XKR6: variants seen among roughly 807,000 people sequenced by gnomAD.
The protein encoded by XKR6 is XK-related protein 6.
In XKR6, 22 loss-of-function variants were observed where a neutral mutation model predicts 56.7. The ratio of observed to expected loss-of-function variants is 0.39; its 90% CI spans 0.28 to 0.55. The LOEUF is 0.55. XKR6 is among the 20% of genes least tolerant of loss of function. XKR6 has a pLI of 0.66. For missense variants in XKR6, 852 were observed against 889.0 expected (o/e 0.96, Z 0.53); for synonymous variants, 524 against 387.8 (o/e 1.35, Z -4.13).
At chr8:11,175,541 C>T (rs1440141201) in intron 1 of XKR6, 4 of 152,160 alleles carry the variant, frequency 2.6e-5, no homozygotes, top group Admixed American at 2.6e-4. Flanking sequence ...TGAGAAGAAA[C>T]TGAAGAAATA....
chr8:10,982,775 T>A (rs944573405), intron 1 of XKR6, among the ~76,000 whole-genome samples: 1 of 152,118 alleles, frequency 6.6e-6, no homozygotes. Context: ...TGGTTGTAGG[T>A]GTTGAAGTGA....
chr8:10,981,222 G>A (rs1797727674), intron 1 of XKR6, among the ~76,000 whole-genome samples: 1 of 152,186 alleles, frequency 6.6e-6, no homozygotes, highest in Admixed American at 6.5e-5. Context: ...GGAAAAATGT[G>A]TGCTTGTCCC....
intron 2 of XKR6, among the ~76,000 whole-genome samples, chr8:10,910,060 G>A (rs1563282534): frequency 6.6e-6 from 1 of 151,972 alleles, no homozygotes; most frequent in Non-Finnish European, 1.5e-5. Flanking sequence ...TTCTTAACCA[G>A]GGTGATTTTG....
intron 1 of XKR6, among the ~76,000 whole-genome samples, chr8:11,107,359 C>T (rs1355799963): frequency 1.3e-5 from 2 of 152,014 alleles, no homozygotes; most frequent in Non-Finnish European, 2.9e-5. Flanking sequence ...ACCACCATGC[C>T]CAGCTGATTT....
intron 1 of XKR6, among the ~76,000 whole-genome samples, chr8:11,051,366 G>A (rs1015582236): frequency 6.6e-6 from 1 of 151,934 alleles, no homozygotes; most frequent in Non-Finnish European, 1.5e-5. Context: ...ACATTATCTA[G>A]ATACTGATGA....
intron 1 of XKR6, among the ~76,000 whole-genome samples, chr8:11,039,895 C>A (rs530464565): frequency 6.6e-6 from 1 of 152,224 alleles, no homozygotes; most frequent in Non-Finnish European, 1.5e-5. Flanking sequence ...GACATCAGCC[C>A]GTTAGCGGAA....
At chr8:11,108,986 AG>A (rs1252073470) in intron 1 of XKR6, 1 of 152,312 alleles carries the variant, frequency 6.6e-6, no homozygotes. Context: ...CTATGTATTT[AG>A]TGCACCTGAA....
chr8:11,136,018 T>C (rs562748572), intron 1 of XKR6, among the ~76,000 whole-genome samples: 4 of 152,334 alleles, frequency 2.6e-5, no homozygotes, highest in Non-Finnish European at 5.9e-5. Flanking sequence ...CTTTTATCTA[T>C]GGAATTGAGA....
At chr8:11,150,926 C>G (rs981925310) in intron 1 of XKR6, among the ~76,000 whole-genome samples, 1 of 150,376 alleles carries the variant, frequency 6.6e-6, no homozygotes, top group Admixed American at 6.6e-5. Flanking sequence ...TTTCTTCTAT[C>G]TCCTCAAACC....
chr8:10,965,124 C>A (rs1802179192), intron 1 of XKR6, among the ~76,000 whole-genome samples: 1 of 152,252 alleles, frequency 6.6e-6, no homozygotes, highest in South Asian at 2.1e-4. Flanking sequence ...AGAACCTGAA[C>A]ACCAGCAAGC....
chr8:11,116,474 G>T (rs746456474), intron 1 of XKR6, among the ~76,000 whole-genome samples: 2 of 152,084 alleles, frequency 1.3e-5, no homozygotes, highest in Admixed American at 6.5e-5. Flanking sequence ...GGGTTCAAGC[G>T]ATTCTCCTGC....
intron 1 of XKR6, chr8:11,035,170 C>T (rs761125495): frequency 1.9e-6 from 1 of 534,228 alleles, no homozygotes. Context: ...CAGTCTCGTG[C>T]CCAGCCCAGC....
At chr8:10,947,826 G>T (rs1427014414) in intron 1 of XKR6, among the ~76,000 whole-genome samples, 1 of 152,196 alleles carries the variant, frequency 6.6e-6, no homozygotes, top group Non-Finnish European at 1.5e-5. Flanking sequence ...CTCATTCTGG[G>T]AGCCAGGAGG....
chr8:10,964,428 C>T (rs1802156679), intron 1 of XKR6, among the ~76,000 whole-genome samples: 1 of 152,192 alleles, frequency 6.6e-6, no homozygotes, highest in African/African-American at 2.4e-5. Flanking sequence ...AAGTGACGTT[C>T]CTCAGTGGCA....
chr8:11,078,868 A>C (rs1800342293), intron 1 of XKR6, among the ~76,000 whole-genome samples: 1 of 152,200 alleles, frequency 6.6e-6, no homozygotes, highest in African/African-American at 2.4e-5. Flanking sequence ...AAGGCCTCCC[A>C]AGGGGGGCCA....
chr8:11,142,646 T>G (rs1049604374), intron 1 of XKR6, among the ~76,000 whole-genome samples: 1 of 152,170 alleles, frequency 6.6e-6, no homozygotes, highest in African/African-American at 2.4e-5. Context: ...CTTCTCCCCC[T>G]TCGCCTTCCA....
intron 1 of XKR6, among the ~76,000 whole-genome samples, chr8:11,033,462 AATG>A (rs888706600): frequency 8.6e-5 from 13 of 151,092 alleles, no homozygotes; most frequent in Admixed American, 4.0e-4. Flanking sequence ...TGATGATGGT[AATG>A]ATGGTGATGA....
At chr8:11,052,469 G>A (rs1404957309) in intron 1 of XKR6, among the ~76,000 whole-genome samples, 2 of 152,186 alleles carry the variant, frequency 1.3e-5, no homozygotes, top group Admixed American at 1.3e-4. Context: ...CTCCCGGACC[G>A]ACACTGGCTG....
chr8:11,189,821 T>C (rs77226320), intron 1 of XKR6, among the ~76,000 whole-genome samples: 8,670 of 152,260 alleles, frequency 0.057, 275 homozygotes, highest in South Asian at 0.11. Flanking sequence ...ATCTCAAATA[T>C]CTGGCTCCTC....
Sources: gnomAD v4.1 joint callset for allele counts (sites outside exome capture counted in the v4.1 genomes callset) on GRCh38, gnomAD v4.1.1 for gene constraint, MANE v1.5 for transcripts, NCBI Gene and HGNC (gene_info 2026-07-23, HGNC 2026-07-21) for gene names.